ALDH1A1: variants seen among roughly 807,000 people sequenced by gnomAD.
The protein encoded by ALDH1A1 is aldehyde dehydrogenase 1A1.
A neutral mutation model predicts 62.1 loss-of-function variants in ALDH1A1; 19 were observed. The ratio of observed to expected loss-of-function variants is 0.31; its 90% confidence interval spans 0.21 to 0.45. The LOEUF is 0.45. ALDH1A1 is among the 20% of genes least tolerant of loss of function. The pLI, the probability that ALDH1A1 is intolerant of heterozygous loss-of-function variation, is 1.00. For synonymous variants in ALDH1A1, 231 were observed against 215.9 expected, an observed-to-expected ratio of 1.07 and a Z score of -0.61; for missense variants, 521 against 607.1, an observed-to-expected ratio of 0.86 and a Z score of 1.49.
At chr9:72,907,074 C>A (rs1343306748) in intron 11 of ALDH1A1, among the ~76,000 whole-genome samples, 2 of 152,132 alleles carry the variant, frequency 1.3e-5, no homozygotes, top group Non-Finnish European at 2.9e-5. Flanking sequence ...TTACTTTTAT[C>A]CTGAGATAAT....
At chr9:72,939,979 ATT>A (rs33988381) in intron 2 of ALDH1A1, among the ~76,000 whole-genome samples, 167 bp downstream of exon 2, 1 of 143,694 alleles carries the variant, frequency 7.0e-6, no homozygotes, top group African/African-American at 2.6e-5. Context: ...ACTACAGAGC[ATT>A]TTTTTTTTTT....
chr9:72,940,413 G>T lies in ALDH1A1; in HGVS notation c.67-161C>A, dbSNP rs543801769. ...TGTTTGAGACATTTTGTGTTCACATGCATAGACATGTACTAAAATGAAGTA... is the reference window on the plus strand; with the variant it reads ...TGTTTGAGACATTTTGTGTTCACATTCATAGACATGTACTAAAATGAAGTA... On this transcript the variant is annotated intron_variant, in intron 1 of 12. Transcript: ENST00000297785. 2.0e-5 allele frequency among the ~76,000 whole-genome samples: 3 copies of T among 152,298 alleles called. No individual in the cohort carries two copies. In the East Asian group the frequency reaches 5.8e-4, roughly 29 times the overall value.
chr9:72,904,397 A>G (rs995388965), intron 12 of ALDH1A1, among the ~76,000 whole-genome samples: 1 of 152,112 alleles, frequency 6.6e-6, no homozygotes, highest in Non-Finnish European at 1.5e-5. Flanking sequence ...TTTCATCCCC[A>G]TAAATCCACA....
chr9:72,929,982 T>C (rs1830260735), intron 3 of ALDH1A1, among the ~76,000 whole-genome samples: 1 of 152,248 alleles, frequency 6.6e-6, no homozygotes, highest in Admixed American at 6.5e-5. Flanking sequence ...TTTGTGTATT[T>C]CAAATTATGT....
intron 3 of ALDH1A1, 88 bp from the exon 4 acceptor site, chr9:72,929,109 G>C (rs1830247994): frequency 7.1e-7 from 1 of 1,415,530 alleles, no homozygotes; most frequent in Non-Finnish European, 9.5e-7. Flanking sequence ...TCATGTGCTA[G>C]GGAATTTTTG....
chr9:72,941,298 G>T (rs1830411305), intron 1 of ALDH1A1, among the ~76,000 whole-genome samples: 1 of 152,034 alleles, frequency 6.6e-6, no homozygotes, highest in Non-Finnish European at 1.5e-5. Flanking sequence ...CTCCTCCAAG[G>T]TTTAAATTAG....
chr9:72,949,838 A>AT (rs1830520199), intron 1 of ALDH1A1, among the ~76,000 whole-genome samples: 1 of 107,214 alleles, frequency 9.3e-6, no homozygotes, highest in South Asian at 3.3e-4. Flanking sequence ...TTTCCCTTTT[A>AT]TAAAAAAAAA....
chr9:72,924,121 AG>A lies in ALDH1A1; in HGVS notation c.644del (p.Pro215LeufsTer4). The A allele has an allele frequency of 6.2e-7, 1 of 1,600,052 alleles. No individual in the cohort carries two copies. The highest frequency in any genetic ancestry group is 8.5e-7 in the Non-Finnish European group (1 of 1,175,498). ...CAGGAACAATATTCACTACTCCAGG[AG>A]GAAACCCTGCCTAAAAGATAAAAAG... ...VASLIKEAGF[P>X]PGVVNIVPGY... On this transcript the variant is annotated frameshift_variant, in exon 7 of 13. Coordinates refer to ENST00000297785, the MANE Select transcript of ALDH1A1 (RefSeq NM_000689.5). LOFTEE classifies it high-confidence loss of function.
chr9:72,937,684 C>G (rs746512003), intron 2 of ALDH1A1, among the ~76,000 whole-genome samples: 11 of 152,158 alleles, frequency 7.2e-5, no homozygotes, highest in Non-Finnish European at 1.3e-4. Flanking sequence ...GGGATGGACA[C>G]TGGGCATGAC....
At chr9:72,951,456 G>A (rs984010375) in intron 1 of ALDH1A1, among the ~76,000 whole-genome samples, 3 of 151,724 alleles carry the variant, frequency 2.0e-5, no homozygotes, top group African/African-American at 4.8e-5. Flanking sequence ...AGCCAAAGGA[G>A]TGGGGAGACA....
At chr9:72,908,550 AAGAAGAAAGAAAG>A (rs1829919375) in intron 11 of ALDH1A1, among the ~76,000 whole-genome samples, 2 of 65,688 alleles carry the variant, frequency 3.0e-5, no homozygotes, top group African/African-American at 1.1e-4. Flanking sequence ...AAAGAAAAGA[AAGAAGAAAGAAAG>A]AAAGAAAGAA....
intron 5 of ALDH1A1, among the ~76,000 whole-genome samples, chr9:72,926,023 G>T (rs1351571880): frequency 1.3e-5 from 2 of 152,144 alleles, no homozygotes; most frequent in African/African-American, 4.8e-5. Flanking sequence ...TTTATTTCCA[G>T]GAAAAATACC....
chr9:72,926,078 G>A (rs946336831), intron 5 of ALDH1A1, among the ~76,000 whole-genome samples: 1 of 152,124 alleles, frequency 6.6e-6, no homozygotes, highest in African/African-American at 2.4e-5. Flanking sequence ...CAAGTACTTG[G>A]GTTCAAATCT....
chr9:72,921,319 A>G (rs2118523073), intron 7 of ALDH1A1, among the ~76,000 whole-genome samples: 1 of 152,102 alleles, frequency 6.6e-6, no homozygotes, highest in Non-Finnish European at 1.5e-5. Flanking sequence ...ATGAACACAA[A>G]GGATACAGTC....
At chr9:72,912,669 A>G (rs1040754193) in intron 9 of ALDH1A1, among the ~76,000 whole-genome samples, 9 of 152,018 alleles carry the variant, frequency 5.9e-5, no homozygotes, top group African/African-American at 1.9e-4. Context: ...TAGTCTGCGC[A>G]CCCTTCCCAG....
chr9:72,913,463 T>C (rs755394591), intron 9 of ALDH1A1, among the ~76,000 whole-genome samples: 35 of 152,226 alleles, frequency 2.3e-4, no homozygotes, highest in Non-Finnish European at 1.3e-4. Flanking sequence ...TAAGGTATTC[T>C]AGTTTCTCAA....
intron 12 of ALDH1A1, among the ~76,000 whole-genome samples, chr9:72,902,963 C>G (rs1389879200): frequency 6.6e-6 from 1 of 150,530 alleles, no homozygotes; most frequent in South Asian, 2.1e-4. Context: ...AGGGTCCACA[C>G]TGTAAAAAAA....
intron 1 of ALDH1A1, among the ~76,000 whole-genome samples, chr9:72,942,825 A>G (rs1830432074): frequency 6.6e-6 from 1 of 152,078 alleles, no homozygotes; most frequent in Admixed American, 6.6e-5. Context: ...TTACTGCGTC[A>G]TCTCCTCATG....
chr9:72,912,634 G>A (rs1830006708), intron 9 of ALDH1A1, among the ~76,000 whole-genome samples: 1 of 152,082 alleles, frequency 6.6e-6, no homozygotes, highest in African/African-American at 2.4e-5. Context: ...CCTGTCCGAT[G>A]CCCTTGGATA....
Sources: gnomAD v4.1 joint callset for allele counts (sites outside exome capture counted in the v4.1 genomes callset) on GRCh38, gnomAD v4.1.1 for gene constraint, MANE v1.5 for transcripts, NCBI Gene and HGNC (gene_info 2026-07-23, HGNC 2026-07-21) for gene names.